The following GGA3 variants were observed in gnomAD, a reference collection of about 807,000 sequenced individuals.
GGA3 encodes ADP-ribosylation factor-binding protein GGA3.
GGA3 carries 57 observed loss-of-function variants against 77.5 expected under a neutral mutation model. The ratio of observed to expected loss-of-function variants is 0.74; its 90% CI spans 0.59 to 0.92. The LOEUF (loss-of-function observed/expected upper bound fraction) is 0.92, where lower values mean the gene tolerates loss of function less well. Ranked by LOEUF, GGA3 falls within the 40% of genes least tolerant of loss-of-function variation. The probability of loss-of-function intolerance (pLI) is 0.00; values close to 1 mark genes in which losing one functional copy is unlikely to be tolerated. For synonymous variants in GGA3, 416 were observed against 383.7 expected, an observed-to-expected ratio of 1.08 and a Z score of -0.98; for missense variants, 970 against 914.9, an observed-to-expected ratio of 1.06 and a Z score of -0.78.
At position 75,261,577 on chromosome 17, in the gene GGA3, G is replaced by T; in HGVS notation, c.11C>A (p.Ala4Glu). MAE[A>E]EGESLESWLN... ...CCAGGACTCCAGGCTTTCCCCTTCC[G>T]CCTCCGCCATATTGCAGCCGCCCGG... The change falls in exon 1 of 17, where the codon GCG (alanine) becomes GAG (glutamate). Residue 4 changes from alanine to glutamate, a missense_variant. Physicochemically the swap from Ala to Glu is moderately radical, Grantham distance 107. Transcript: ENST00000537686. 1 of 1,553,466 alleles carries T rather than the reference G, an allele frequency of 6.4e-7. No homozygotes were observed.
At chr17:75,247,153 C>G (rs956477009) in intron 1 of GGA3, among the ~76,000 whole-genome samples, 3 of 152,000 alleles carry the variant, frequency 2.0e-5, no homozygotes, top group African/African-American at 7.3e-5. Context: ...GGAACTCCAG[C>G]TATATAAAAA....
At position 75,257,686 on chromosome 17, in the gene GGA3, G is replaced by A. The variant is rs1359817775; in HGVS notation, c.40+3862C>T. On this transcript the variant is annotated intron_variant, in intron 1 of 16. Coordinates refer to ENST00000537686, the MANE Select transcript of GGA3 (RefSeq NM_138619.4). ...TAACATCCCCACAAGATCTCCCTTC[G>A]GCTTAATCTCTCCCACTCTAGGTTC... Among the ~76,000 whole-genome samples the A allele has an allele frequency of 2.6e-5, 4 of 151,778 alleles. No individual in the cohort carries two copies. The South Asian group carries it at 6.2e-4, about 24-fold the overall frequency.
At chr17:75,241,937 G>A in intron 8 of GGA3, 1 of 574,398 alleles carries the variant, frequency 1.7e-6, no homozygotes, top group Non-Finnish European at 3.1e-6. Context: ...GTCCCCTCCT[G>A]CCTTCCAGGC....
upstream of GGA3, chr17:75,262,040 G>C: frequency 6.3e-7 from 1 of 1,586,426 alleles, no homozygotes; most frequent in South Asian, 1.1e-5. Context: ...GGGGGCCACA[G>C]GCAGGCCGCG....
intron 1 of GGA3, among the ~76,000 whole-genome samples, chr17:75,253,933 T>C (rs1426340376): frequency 6.6e-6 from 1 of 152,148 alleles, no homozygotes; most frequent in Non-Finnish European, 1.5e-5. Context: ...GCAACACCGC[T>C]TGGCCCCAGT....
intron 1 of GGA3, among the ~76,000 whole-genome samples, chr17:75,248,388 G>A (rs1250606809): frequency 1.4e-5 from 2 of 147,516 alleles, no homozygotes; most frequent in African/African-American, 2.5e-5. Flanking sequence ...GGAGAATGGC[G>A]CGAACCCGGG....
At chr17:75,261,140 T>C (rs1296679641) in intron 1 of GGA3, among the ~76,000 whole-genome samples, 1 of 152,262 alleles carries the variant, frequency 6.6e-6, no homozygotes, top group Non-Finnish European at 1.5e-5. Context: ...TACCGGAGAC[T>C]CAGCCCCAAT....
Position 75,248,811 on chromosome 17 carries a change from A to C in GGA3, c.41-2015T>G, listed in dbSNP as rs1299650541. ...AAAAAAAAACAAAAACAAAAACAAA[A>C]AAAACAAAACAAAAAAAAAAAAACT... On this transcript the variant is annotated intron_variant, in intron 1 of 16. Transcript: ENST00000537686. 2.2e-4 allele frequency: 178 copies of C among 793,698 alleles called. 7 individuals are homozygous for C. The Admixed American group carries it at 6.4e-3, about 28-fold the overall frequency. The allele number at this position is 793,698 out of a possible 1,614,324, so 49.2% of individuals were successfully genotyped here.
chr17:75,244,441 C>T (rs753257723), intron 4 of GGA3, 178 bp downstream of exon 4: 6 of 601,610 alleles, frequency 1.0e-5, no homozygotes, highest in African/African-American at 3.7e-5. Flanking sequence ...AAAAAGCTGC[C>T]GGTCCCTGTG....
intron 1 of GGA3, among the ~76,000 whole-genome samples, chr17:75,249,541 C>T (rs746783533): frequency 4.6e-5 from 7 of 152,200 alleles, no homozygotes; most frequent in Non-Finnish European, 8.8e-5. Context: ...AAGTCTCTCC[C>T]ACCAATTGTC....
chr17:75,243,075 CTCA>C lies in GGA3; in HGVS notation c.513_515del (p.Asp171del), dbSNP rs1442057606. ...GGGTGTCCTTTACCTTGGACTTCTC[CTCA>C]TCATCAAAAACAGGGTTTTTGGGAC... On this transcript the variant is annotated inframe_deletion, in exon 6 of 17. Coordinates refer to ENST00000537686, the MANE Select transcript of GGA3 (RefSeq NM_138619.4). 6.8e-6 allele frequency: 11 copies of C among 1,611,782 alleles called. No individual in the cohort carries two copies. Among genetic ancestry groups the C allele is most frequent in the African/African-American group, 4.0e-5 (3 of 74,840 alleles).
intron 10 of GGA3, 82 bp from the exon 11 acceptor site, chr17:75,241,139 G>T (rs2076541293): frequency 6.7e-7 from 1 of 1,481,554 alleles, no homozygotes; most frequent in African/African-American, 1.4e-5. Context: ...CCTAGGCACA[G>T]AGGTCACTGC....
chr17:75,237,483 T>A lies in GGA3; in HGVS notation c.*796A>T, dbSNP rs922876815. 3 of 1,535,630 alleles carry A rather than the reference T, an allele frequency of 2.0e-6. No homozygotes were observed. The African/African-American group carries it at 4.1e-5, about 21-fold the overall frequency. ...GCAAGAGGTAGTCAGTAGGATGGCCTGTCCCCACGGCTGGAGGCACGCTTT... is the reference window on the plus strand; with the variant it reads ...GCAAGAGGTAGTCAGTAGGATGGCCAGTCCCCACGGCTGGAGGCACGCTTT... On this transcript the variant is annotated 3_prime_UTR_variant, in exon 17 of 17. Coordinates refer to ENST00000537686, the MANE Select transcript of GGA3 (RefSeq NM_138619.4).
At chr17:75,256,516 T>C (rs1216157906) in intron 1 of GGA3, among the ~76,000 whole-genome samples, 1 of 152,114 alleles carries the variant, frequency 6.6e-6, no homozygotes. Context: ...TATTTCCTTC[T>C]TTCCTGTTCC....
chr17:75,244,010 CATCAAGACAGAG>C (rs1260078780), intron 4 of GGA3, among the ~76,000 whole-genome samples: 1 of 152,136 alleles, frequency 6.6e-6, no homozygotes, highest in African/African-American at 2.4e-5. Flanking sequence ...ACCTTGGGGA[CATCAAGACAGAG>C]AGGCTTCCTT....
In GGA3 at chr17:75,258,091, GATCC is replaced by G. The variant is rs2077218625; in HGVS notation, c.40+3453_40+3456del. ...CCACCCTTGAGAATGTACTTTGTGAGATCCATCCCTGCCCGCAAAACATTGCTCT... is the reference window on the plus strand; with the variant it reads ...CCACCCTTGAGAATGTACTTTGTGAGATCCCTGCCCGCAAAACATTGCTCT... On this transcript the variant is annotated intron_variant, in intron 1 of 16. Transcript: ENST00000537686. Among the ~76,000 whole-genome samples, 3 of 152,216 alleles carry G rather than the reference GATCC, an allele frequency of 2.0e-5. No individual in the cohort carries two copies. The East Asian group carries it at 5.8e-4, about 29-fold the overall frequency.
intron 11 of GGA3, 196 bp from the exon 12 acceptor site, chr17:75,240,608 G>C (rs573890602): frequency 4.4e-6 from 3 of 678,654 alleles, no homozygotes; most frequent in Non-Finnish European, 7.4e-6. Flanking sequence ...CTGTGGGGCG[G>C]GGTGCAGGGC....
At chr17:75,250,762 CAAAAAAAAA>C (rs5822078) in intron 1 of GGA3, among the ~76,000 whole-genome samples, 1 of 78,852 alleles carries the variant, frequency 1.3e-5, no homozygotes, top group Non-Finnish European at 2.5e-5. Flanking sequence ...ACTCCATCTC[CAAAAAAAAA>C]AAAAAAAAAA....
Position 75,237,927 on chromosome 17 carries a change from C to CT in GGA3, c.*351_*352insA. The CT allele has an allele frequency of 2.1e-6, 1 of 487,608 alleles. No individual in the cohort carries two copies. The highest frequency in any genetic ancestry group is 3.3e-5 in the African/African-American group (1 of 30,436). 30.2% of individuals were successfully genotyped at this position (487,608 alleles called of 1,614,324 possible). On this transcript the variant is annotated 3_prime_UTR_variant, in exon 17 of 17. Coordinates refer to ENST00000537686, the MANE Select transcript of GGA3 (RefSeq NM_138619.4). ...TCTCTCTTTAGAGACTCCCACCCCC[C>CT]ACCCCCCACCCCAGTGGCTTCAGTG...
Sources: gnomAD v4.1 joint callset for allele counts (sites outside exome capture counted in the v4.1 genomes callset) on GRCh38, gnomAD v4.1.1 for gene constraint, MANE v1.5 for transcripts, NCBI Gene and HGNC (gene_info 2026-07-23, HGNC 2026-07-21) for gene names.